The following GIN1 variants were observed in gnomAD, a reference collection of about 807,000 sequenced individuals.
GIN1 encodes gypsy retrotransposon integrase 1, also known as gypsy retrotransposon integrase-like protein 1.
Under a neutral mutation model 51.4 loss-of-function variants are expected in GIN1, and 41 were observed. The ratio of observed to expected loss-of-function variants is 0.80; its 90% CI spans 0.62 to 1.04. The LOEUF is 1.04. GIN1 is among the 50% of genes least tolerant of loss of function. GIN1 has a pLI of 0.00. For missense variants in GIN1, 610 were observed against 612.4 expected, an observed-to-expected ratio of 1.00 and a Z score of 0.04; for synonymous variants, 222 against 206.5, an observed-to-expected ratio of 1.07 and a Z score of -0.64.
chr5:103,089,642 T>A (rs953829782), intron 7 of GIN1, among the ~76,000 whole-genome samples: 2 of 152,144 alleles, frequency 1.3e-5, no homozygotes, highest in Non-Finnish European at 2.9e-5. Flanking sequence ...CCTAGGTTGG[T>A]CTCCTGAAGA....
rs1554194178 is a variant in GIN1 at position 103,088,407 on chromosome 5, C to A, written c.1295-235G>T. ...GGAAAGGTCAAGGATTTTAAAACAG[C>A]CATTTTCCTGTTCCCTCAACCTGTC... On this transcript the variant is annotated intron_variant, in intron 7 of 7. Coordinates refer to ENST00000399004, the MANE Select transcript of GIN1 (RefSeq NM_017676.2). Among the ~76,000 whole-genome samples, 8 of 152,246 alleles carry A rather than the reference C, an allele frequency of 5.3e-5. No individual in the cohort carries two copies. In the South Asian group the frequency reaches 1.7e-3, roughly 32 times the overall value.
chr5:103,092,134 A>G (rs1554194618), intron 7 of GIN1, among the ~76,000 whole-genome samples: 2 of 152,008 alleles, frequency 1.3e-5, no homozygotes, highest in African/African-American at 4.8e-5. Context: ...CCTCTGCCTC[A>G]GCCCGCTAAG....
At chr5:103,118,315 G>A (rs782589251) in intron 1 of GIN1, among the ~76,000 whole-genome samples, 7 of 151,658 alleles carry the variant, frequency 4.6e-5, no homozygotes, top group African/African-American at 9.7e-5. Context: ...TTGCAATTAC[G>A]AGGATGATTA....
At chr5:103,092,815 G>A (rs554211892) in intron 7 of GIN1, among the ~76,000 whole-genome samples, 50 of 151,792 alleles carry the variant, frequency 3.3e-4, no homozygotes, top group African/African-American at 1.2e-3. Flanking sequence ...GCATGGTGAT[G>A]CATGCCTACA....
At chr5:103,098,645 GATGGAGTTTCA>G (rs1787477481) in intron 4 of GIN1, among the ~76,000 whole-genome samples, 1 of 152,012 alleles carries the variant, frequency 6.6e-6, no homozygotes, top group Admixed American at 6.6e-5. Context: ...ATTTTGTACA[GATGGAGTTTCA>G]CCATGTTGCC....
At chr5:103,096,872 A>G (rs1554195151) in intron 6 of GIN1, 46 bp from the exon 7 acceptor site, 3 of 1,238,558 alleles carry the variant, frequency 2.4e-6, no homozygotes, top group Admixed American at 1.9e-5. Context: ...AAGAGCTATA[A>G]TATCTTGAAG....
At position 103,104,819 on chromosome 5, in the gene GIN1, C is replaced by T. The variant is rs782535709; in HGVS notation, c.361G>A (p.Ala121Thr). 2 of 1,606,206 alleles carry T rather than the reference C, an allele frequency of 1.2e-6. No individual in the cohort carries two copies. The highest frequency in any genetic ancestry group is 1.7e-6 in the Non-Finnish European group (2 of 1,175,238). Residue 121 changes from alanine to threonine, a missense_variant, in exon 4 of 8, where the codon GCA becomes ACA. Physicochemically the swap from Ala to Thr is moderately conservative, Grantham distance 58. Coordinates refer to ENST00000399004, the MANE Select transcript of GIN1 (RefSeq NM_017676.2). ...WVYACQHCQV[A>T]KNTVIVAPKQ... ...GGTGCTACAATAACTGTATTTTTTG[C>T]CACTTGGCAATGCTGACAAGCATAT...
At chr5:103,100,875 CAA>C (rs1787552945) in intron 4 of GIN1, among the ~76,000 whole-genome samples, 1 of 152,100 alleles carries the variant, frequency 6.6e-6, no homozygotes, top group Non-Finnish European at 1.5e-5. Context: ...ACTGATATTT[CAA>C]AGAGTATTCT....
intron 1 of GIN1, among the ~76,000 whole-genome samples, chr5:103,113,720 C>T (rs995006654): frequency 4.6e-5 from 7 of 152,012 alleles, no homozygotes; most frequent in South Asian, 2.1e-4. Context: ...TGAGGTTTCA[C>T]GATGTTGGCC....
chr5:103,087,975 C>CT lies in GIN1; in HGVS notation c.1491dup (p.Asp498ArgfsTer4), dbSNP rs1787124350. On this transcript the variant is annotated frameshift_variant, in exon 8 of 8. Coordinates refer to ENST00000399004, the MANE Select transcript of GIN1 (RefSeq NM_017676.2). LOFTEE classifies it high-confidence loss of function. ...TGCTTTTCAAGAGAACTATGATCGT[C>CT]TATCAATGGAGAGATTTTCGTATTT... 1 of 1,595,860 alleles carries CT rather than the reference C, an allele frequency of 6.3e-7. No homozygotes were observed. Among genetic ancestry groups the CT allele is most frequent in the South Asian group, 1.1e-5 (1 of 90,534 alleles).
At chr5:103,103,275 A>T (rs1554195952) in intron 4 of GIN1, among the ~76,000 whole-genome samples, 1 of 152,224 alleles carries the variant, frequency 6.6e-6, no homozygotes, top group Non-Finnish European at 1.5e-5. Flanking sequence ...AAGGAATTAA[A>T]CACGTCCTGT....
rs1787110850 is a variant in GIN1, at chr5:103,087,597, C to T, written c.*301G>A. ...TAAAACTTAGAAACGGTGCCAAAAC[C>T]ATACAAAGGTTTGAGAGATTTGGGC... is the stretch of plus-strand genomic sequence containing the variant. On this transcript the variant is annotated 3_prime_UTR_variant, in exon 8 of 8. Coordinates refer to ENST00000399004, the MANE Select transcript of GIN1 (RefSeq NM_017676.2). 5.3e-6 allele frequency: 1 copy of T among 190,304 alleles called. No homozygotes were observed. The highest frequency in any genetic ancestry group is 2.3e-5 in the African/African-American group (1 of 43,030). The allele number at this position is 190,304 out of a possible 1,614,324, so 11.8% of individuals were successfully genotyped here.
In GIN1 at chr5:103,115,373, A is replaced by G. The variant is rs115163192; in HGVS notation, c.-8+4691T>C. ...AGGAGATTCTAACACACGTTACCAC[A>G]TGGATGAATCTTGAGGACATTAAGC... On this transcript the variant is annotated intron_variant, in intron 1 of 7. Transcript: ENST00000399004. 3.9e-3 allele frequency among the ~76,000 whole-genome samples: 594 copies of G among 152,298 alleles called. 2 individuals are homozygous for G. Among genetic ancestry groups the G allele is most frequent in the African/African-American group, 0.013 (559 of 41,580 alleles).
intron 2 of GIN1, among the ~76,000 whole-genome samples, chr5:103,107,897 G>A (rs782667371): frequency 4.6e-5 from 7 of 152,140 alleles, no homozygotes; most frequent in African/African-American, 2.4e-5. Context: ...TTTGGGGTAA[G>A]CCTAAGAGGC....
intron 1 of GIN1, among the ~76,000 whole-genome samples, chr5:103,109,059 G>A (rs1554196654): frequency 6.6e-6 from 1 of 152,016 alleles, no homozygotes; most frequent in Non-Finnish European, 1.5e-5. Flanking sequence ...ACATTCACAG[G>A]ATGGTAACAC....
rs575982989 is a variant in GIN1 at position 103,111,498 on chromosome 5, G to A, written c.-7-2784C>T. 2.0e-5 allele frequency among the ~76,000 whole-genome samples: 3 copies of A among 152,204 alleles called. No individual in the cohort carries two copies. The East Asian group carries it at 5.8e-4, about 29-fold the overall frequency. On this transcript the variant is annotated intron_variant, in intron 1 of 7. Transcript: ENST00000399004. ...CTGTAGGAAGACGAGGTTTATAAAA[G>A]GAAGATAAAAATTGTGTATTTCCTT... is the stretch of plus-strand genomic sequence containing the variant.
chr5:103,089,828 G>T (rs556841497), intron 7 of GIN1, among the ~76,000 whole-genome samples: 1 of 152,224 alleles, frequency 6.6e-6, no homozygotes, highest in Admixed American at 6.5e-5. Context: ...ATAGCTCACT[G>T]AACCTATTTC....
intron 7 of GIN1, among the ~76,000 whole-genome samples, chr5:103,088,910 C>G (rs536956234): frequency 4.6e-5 from 7 of 152,222 alleles, no homozygotes; most frequent in African/African-American, 1.7e-4. Context: ...ATTATTAAAT[C>G]CTTGCATTTA....
At chr5:103,107,061 T>C in intron 2 of GIN1, 152 bp from the exon 3 acceptor site, 1 of 555,362 alleles carries the variant, frequency 1.8e-6, no homozygotes, top group Non-Finnish European at 3.1e-6. Flanking sequence ...TTTTTAATGA[T>C]GCTACAACAC....
Sources: allele counts gnomAD v4.1 joint callset (sites outside exome capture counted in the v4.1 genomes callset), GRCh38; gene constraint gnomAD v4.1.1; transcripts MANE v1.5; gene names NCBI Gene and HGNC (gene_info 2026-07-23, HGNC 2026-07-21).